Variants in TENM3 observed in about 807,000 individuals in gnomAD.
TENM3 encodes the protein teneurin transmembrane protein 3, also known as teneurin-3.
In TENM3, 63 loss-of-function variants were observed where a neutral mutation model predicts 255.1. The observed-to-expected ratio is 0.25, with a 90% CI of 0.20 to 0.30. The LOEUF is 0.30. TENM3 is among the 10% of genes least tolerant of loss of function. TENM3 has a pLI of 1.00. For missense variants in TENM3, 2,929 were observed against 3,461.1 expected (o/e 0.85, Z 3.86); for synonymous variants, 1,306 against 1,322.3 (o/e 0.99, Z 0.27).
At chr4:181,763,044 T>C in the TENM3 span, among the ~76,000 whole-genome samples, 2 of 152,222 alleles carry the variant, frequency 1.3e-5, no homozygotes, top group Admixed American at 6.5e-5. Context: ...TATAATACTT[T>C]CTGTTACATC....
chr4:181,657,533 C>T, the TENM3 span, among the ~76,000 whole-genome samples: 1 of 152,150 alleles, frequency 6.6e-6, no homozygotes, highest in Non-Finnish European at 1.5e-5. Context: ...GTTGGTGATA[C>T]TGTTGGTGGA....
chr4:182,161,719 GTGTA>G lies in TENM3; in HGVS notation c.-76+16967_-76+16970del, dbSNP rs1457016164. Among the ~76,000 whole-genome samples the G allele has an allele frequency of 3.9e-3, 2 of 510 alleles. 1 individual carries two copies. Among genetic ancestry groups the G allele is most frequent in the Non-Finnish European group, 0.029 (2 of 70 alleles). The allele number at this position is 510 out of a possible 152,430, so 0.3% of individuals were successfully genotyped here. ...TATATGTATATATATACATATATAT[GTGTA>G]TATATATATACACAAATATATGTGT... On this transcript the variant is annotated intron_variant, in intron 1 of 2. Transcript: ENST00000512480.
chr4:182,757,807 T>TAATATA (rs1305403667), intron 22 of TENM3, among the ~76,000 whole-genome samples: 10 of 152,130 alleles, frequency 6.6e-5, no homozygotes, highest in Non-Finnish European at 1.2e-4. Context: ...AATGAAAGAT[T>TAATATA]TTAATTAATT....
At chr4:182,522,884 A>G (rs1267193039) in intron 3 of TENM3, among the ~76,000 whole-genome samples, 6 of 152,306 alleles carry the variant, frequency 3.9e-5, no homozygotes, top group East Asian at 3.9e-4. Flanking sequence ...ACTGTTTTCC[A>G]TAACGGCTGC....
the TENM3 span, among the ~76,000 whole-genome samples, chr4:181,503,871 C>T: frequency 1.3e-5 from 2 of 152,262 alleles, no homozygotes; most frequent in East Asian, 1.9e-4. Context: ...CTGCTCCGCT[C>T]GGAAGGAGGC....
At chr4:182,578,587 C>G (rs1270622600) in intron 3 of TENM3, among the ~76,000 whole-genome samples, 1 of 148,740 alleles carries the variant, frequency 6.7e-6, no homozygotes. Flanking sequence ...CACTTCACAG[C>G]CTGATTGCTG....
chr4:182,366,359 G>T (rs2150822262), intron 3 of TENM3, among the ~76,000 whole-genome samples: 1 of 151,372 alleles, frequency 6.6e-6, no homozygotes, highest in Non-Finnish European at 1.5e-5. Flanking sequence ...TTATTTATAT[G>T]TACAAATATA....
At chr4:181,844,476 G>A in the TENM3 span, among the ~76,000 whole-genome samples, 1 of 151,930 alleles carries the variant, frequency 6.6e-6, no homozygotes, top group South Asian at 2.1e-4. Context: ...AGACCATCTT[G>A]GCTAACACGG....
rs182996068 is a variant in TENM3, at chr4:182,194,734, T to C, written c.-76+49980T>C. ...TGGGAGACAAGTGAAGTTTGAGAAG[T>C]TATGAAAGATTTATGACAAACATTT... is the stretch of plus-strand genomic sequence containing the variant. On this transcript the variant is annotated intron_variant, in intron 1 of 2. Coordinates refer to the TENM3 transcript ENST00000512480. Among the ~76,000 whole-genome samples the C allele has an allele frequency of 1.5e-3, 230 of 152,240 alleles. 1 individual carries two copies. The highest frequency in any genetic ancestry group is 5.3e-3 in the African/African-American group (220 of 41,530).
chr4:181,693,160 C>T, the TENM3 span, among the ~76,000 whole-genome samples: 1 of 152,120 alleles, frequency 6.6e-6, no homozygotes, highest in African/African-American at 2.4e-5. Flanking sequence ...TTTGAGGTCA[C>T]GTGATATTCC....
intron 1 of TENM3, among the ~76,000 whole-genome samples, chr4:182,278,562 T>G (rs529149772): frequency 7.3e-5 from 11 of 151,326 alleles, no homozygotes; most frequent in African/African-American, 2.7e-4. Flanking sequence ...TGAAGGTGAC[T>G]ATCATAAAGG....
At chr4:182,598,839 T>C (rs1430234135) in intron 3 of TENM3, among the ~76,000 whole-genome samples, 2 of 152,222 alleles carry the variant, frequency 1.3e-5, no homozygotes, top group African/African-American at 2.4e-5. Context: ...AAACTGAGGC[T>C]TACTATCATG....
intron 2 of TENM3, among the ~76,000 whole-genome samples, chr4:182,338,947 T>G (rs375392490): frequency 6.6e-6 from 1 of 152,188 alleles, no homozygotes; most frequent in African/African-American, 2.4e-5. Flanking sequence ...GATCCGAGAC[T>G]TCAAAAGAAA....
At chr4:182,028,215 A>G in the TENM3 span, among the ~76,000 whole-genome samples, 1 of 152,210 alleles carries the variant, frequency 6.6e-6, no homozygotes, top group African/African-American at 2.4e-5. Context: ...TATGTGTCTA[A>G]GAATTTGTCC....
At chr4:181,633,776 T>G in the TENM3 span, among the ~76,000 whole-genome samples, 1 of 152,108 alleles carries the variant, frequency 6.6e-6, no homozygotes, top group African/African-American at 2.4e-5. Flanking sequence ...ATGCCTGGAG[T>G]GCTTTAGCAC....
At chr4:181,851,628 A>G in the TENM3 span, among the ~76,000 whole-genome samples, 1 of 152,212 alleles carries the variant, frequency 6.6e-6, no homozygotes, top group African/African-American at 2.4e-5. Context: ...ACGCACACGC[A>G]TGCACACATG....
At chr4:181,905,222 A>T in the TENM3 span, among the ~76,000 whole-genome samples, 1 of 152,146 alleles carries the variant, frequency 6.6e-6, no homozygotes, top group Non-Finnish European at 1.5e-5. Flanking sequence ...TGGCATAATT[A>T]TATATATTTA....
chr4:182,184,738 A>C (rs1036682852), intron 1 of TENM3, among the ~76,000 whole-genome samples: 1 of 152,168 alleles, frequency 6.6e-6, no homozygotes, highest in African/African-American at 2.4e-5. Flanking sequence ...ATGAGTAGAA[A>C]GATTAGTCTT....
At chr4:181,842,260 A>G in the TENM3 span, among the ~76,000 whole-genome samples, 5 of 152,186 alleles carry the variant, frequency 3.3e-5, no homozygotes, top group African/African-American at 9.6e-5. Flanking sequence ...TAATTATCCA[A>G]GAAAATCAAG....
Sources: gnomAD v4.1 joint callset for allele counts (sites outside exome capture counted in the v4.1 genomes callset) on GRCh38, gnomAD v4.1.1 for gene constraint, MANE v1.5 for transcripts, NCBI Gene and HGNC (gene_info 2026-07-23, HGNC 2026-07-21) for gene names.